Variants in SGMS1 observed in about 807,000 individuals in gnomAD.
The protein encoded by SGMS1 is phosphatidylcholine:ceramide cholinephosphotransferase 1.
A neutral mutation model predicts 46.2 loss-of-function variants in SGMS1; 13 were observed. The observed-to-expected ratio is 0.28, with a 90% confidence interval of 0.18 to 0.45. SGMS1 has a LOEUF of 0.45. Ranked by LOEUF, SGMS1 falls within the 20% of genes least tolerant of loss-of-function variation. SGMS1 has a pLI of 1.00. For missense variants in SGMS1, 324 were observed against 519.9 expected, an observed-to-expected ratio of 0.62 and a Z score of 3.66; for synonymous variants, 203 against 187.8, an observed-to-expected ratio of 1.08 and a Z score of -0.66.
chr10:50,534,781 G>C (rs1388379621), intron 2 of SGMS1, among the ~76,000 whole-genome samples: 1 of 152,142 alleles, frequency 6.6e-6, no homozygotes, highest in Non-Finnish European at 1.5e-5. Flanking sequence ...TATACACATA[G>C]AAAAAGAATA....
chr10:50,593,694 A>T (rs1838563707), intron 1 of SGMS1, among the ~76,000 whole-genome samples: 2 of 152,192 alleles, frequency 1.3e-5, no homozygotes, highest in African/African-American at 4.8e-5. Context: ...TTCTAAGCCT[A>T]CTATGAATGA....
chr10:50,616,429 C>T (rs968806361), intron 1 of SGMS1, among the ~76,000 whole-genome samples: 2 of 152,192 alleles, frequency 1.3e-5, no homozygotes, highest in African/African-American at 2.4e-5. Flanking sequence ...AACTACCATA[C>T]CCAGACAGTT....
intron 3 of SGMS1, among the ~76,000 whole-genome samples, chr10:50,482,711 C>G (rs1169370244): frequency 6.6e-6 from 1 of 152,154 alleles, no homozygotes; most frequent in Non-Finnish European, 1.5e-5. Context: ...CATAACACTA[C>G]TATCCTTAAA....
intron 5 of SGMS1, among the ~76,000 whole-genome samples, chr10:50,454,427 A>G (rs1303284239): frequency 5.3e-5 from 8 of 152,196 alleles, no homozygotes; most frequent in Non-Finnish European, 1.2e-4. Context: ...GTGGTGATAG[A>G]GTAGTGAAAA....
chr10:50,357,280 G>C (rs1260061496), intron 6 of SGMS1, among the ~76,000 whole-genome samples: 1 of 151,538 alleles, frequency 6.6e-6, no homozygotes, highest in Non-Finnish European at 1.5e-5. Context: ...AAGCCAAGCA[G>C]GTCTTTAAAC....
Position 50,623,726 on chromosome 10 carries a change from G to T in SGMS1, c.-703C>A. On this transcript the variant is annotated 5_prime_UTR_variant, in exon 1 of 11. The change creates a new upstream start codon in the 5' untranslated region. Transcript: ENST00000361781. The stretch of plus-strand genomic sequence containing the variant: ...ACTCACTTGCACTGGAGTCACGGCA[G>T]CCGCCGGAATTCCGCTCGCGGAGCC... 3.0e-6 allele frequency: 3 copies of T among 985,418 alleles called. No individual in the cohort carries two copies. Among genetic ancestry groups the T allele is most frequent in the Non-Finnish European group, 3.6e-6 (3 of 829,938 alleles). The allele number at this position is 985,418 out of a possible 1,614,324, so 61.0% of individuals were successfully genotyped here.
intron 2 of SGMS1, among the ~76,000 whole-genome samples, chr10:50,570,899 C>T (rs1838331519): frequency 7.0e-6 from 1 of 142,198 alleles, no homozygotes; most frequent in Non-Finnish European, 1.6e-5. Flanking sequence ...GATCACACCA[C>T]TGCACTCCAG....
At chr10:50,509,261 A>T (rs1342326547) in intron 3 of SGMS1, among the ~76,000 whole-genome samples, 1 of 152,192 alleles carries the variant, frequency 6.6e-6, no homozygotes, top group Non-Finnish European at 1.5e-5. Context: ...TTTATAAAGG[A>T]TGTTGATTAT....
At chr10:50,412,259 T>C (rs113693175) in intron 6 of SGMS1, among the ~76,000 whole-genome samples, 18 of 152,256 alleles carry the variant, frequency 1.2e-4, no homozygotes, top group African/African-American at 3.9e-4. Flanking sequence ...CAAGACCACT[T>C]TTCAAAAAAA....
intron 9 of SGMS1, 48 bp downstream of exon 9, chr10:50,311,214 T>G: frequency 3.2e-4 from 505 of 1,581,452 alleles, no homozygotes; most frequent in East Asian, 4.5e-4. Context: ...CCAGAGTTCA[T>G]GAGAAATGGC....
chr10:50,491,748 A>G (rs1837569869), intron 3 of SGMS1, among the ~76,000 whole-genome samples: 1 of 152,196 alleles, frequency 6.6e-6, no homozygotes, highest in Non-Finnish European at 1.5e-5. Context: ...TACAAAGAAA[A>G]GCTGGTACCA....
chr10:50,377,399 T>C (rs1037163919), intron 6 of SGMS1, among the ~76,000 whole-genome samples: 1 of 152,226 alleles, frequency 6.6e-6, no homozygotes, highest in African/African-American at 2.4e-5. Context: ...AATCACTTCT[T>C]AGAGGGCCCA....
upstream of SGMS1, chr10:50,624,595 G>A (rs1458564554): frequency 1.9e-4 from 189 of 985,098 alleles, no homozygotes; most frequent in Non-Finnish European, 2.2e-4. Flanking sequence ...GCCCCGCCCC[G>A]CCTGGGGCCC....
chr10:50,614,642 G>A (rs1452442055), intron 1 of SGMS1, among the ~76,000 whole-genome samples: 2 of 152,204 alleles, frequency 1.3e-5, no homozygotes, highest in Non-Finnish European at 2.9e-5. Flanking sequence ...AGCAGCCTTC[G>A]AGTGATTCTG....
At chr10:50,482,709 T>G (rs1437426079) in intron 3 of SGMS1, among the ~76,000 whole-genome samples, 1 of 152,180 alleles carries the variant, frequency 6.6e-6, no homozygotes, top group East Asian at 1.9e-4. Context: ...CACATAACAC[T>G]ACTATCCTTA....
chr10:50,344,880 A>AAT (rs1554925943), intron 6 of SGMS1, among the ~76,000 whole-genome samples: 1 of 151,968 alleles, frequency 6.6e-6, no homozygotes, highest in Non-Finnish European at 1.5e-5. Context: ...CAAAAAAAAA[A>AAT]AATAATAATA....
chr10:50,340,158 A>C (rs1346858191), intron 7 of SGMS1, among the ~76,000 whole-genome samples: 1 of 152,168 alleles, frequency 6.6e-6, no homozygotes, highest in Non-Finnish European at 1.5e-5. Flanking sequence ...TGACCACCAC[A>C]CTAAGTCATA....
intron 8 of SGMS1, among the ~76,000 whole-genome samples, chr10:50,324,914 A>G (rs555319681): frequency 6.6e-6 from 1 of 152,268 alleles, no homozygotes; most frequent in Non-Finnish European, 1.5e-5. Context: ...AAAAGACAGA[A>G]CAAGTAAATG....
At chr10:50,373,619 A>G (rs1848476820) in intron 6 of SGMS1, among the ~76,000 whole-genome samples, 1 of 152,250 alleles carries the variant, frequency 6.6e-6, no homozygotes, top group African/African-American at 2.4e-5. Flanking sequence ...CAAATAAGGA[A>G]CAAGGAAAAA....
Sources: allele counts gnomAD v4.1 joint callset (sites outside exome capture counted in the v4.1 genomes callset), GRCh38; gene constraint gnomAD v4.1.1; transcripts MANE v1.5; gene names NCBI Gene and HGNC (gene_info 2026-07-23, HGNC 2026-07-21).